Variants in CHODL observed in about 807,000 individuals in gnomAD.
CHODL encodes the protein transmembrane protein MT75.
Under a neutral mutation model 34.5 loss-of-function variants are expected in CHODL, and 29 were observed. That is an observed-to-expected ratio of 0.84 (90% CI 0.63 to 1.15). CHODL has a LOEUF of 1.15. Among genes scored for constraint, CHODL ranks in the 50% most tolerant of loss-of-function variants. The probability of loss-of-function intolerance (pLI) is 0.00; values close to 1 mark genes in which losing one functional copy is unlikely to be tolerated. For synonymous variants in CHODL, 125 were observed against 116.1 expected (o/e 1.08, Z -0.49); for missense variants, 332 against 332.5 (o/e 1.00, Z 0.01).
chr21:18,095,021 G>C (rs962524350), intron 2 of CHODL, among the ~76,000 whole-genome samples: 1 of 151,974 alleles, frequency 6.6e-6, no homozygotes, highest in Non-Finnish European at 1.5e-5. Flanking sequence ...CTACTCAGGA[G>C]GCTGAGGCAG....
At position 18,256,952 on chromosome 21, in the gene CHODL, A is replaced by T; in HGVS notation, c.390-18A>T. On this transcript the variant is annotated intron_variant, in intron 2 of 5. Coordinates refer to ENST00000299295, the MANE Select transcript of CHODL (RefSeq NM_024944.3). The stretch of plus-strand genomic sequence containing the variant: ...AGTAGGCATGTATCTGAGTGTTCCT[A>T]TTACTCTCTGTTTGCAGAAACTGGT... 6.2e-7 allele frequency: 1 copy of T among 1,608,530 alleles called. No individual in the cohort carries two copies. The highest frequency in any genetic ancestry group is 1.7e-4 in the Middle Eastern group (1 of 6,008).
intron 2 of CHODL, among the ~76,000 whole-genome samples, chr21:18,206,796 T>C (rs1009027158): frequency 6.6e-6 from 1 of 151,634 alleles, no homozygotes; most frequent in African/African-American, 2.4e-5. Context: ...TTTTAATTTT[T>C]TGTCTATACA....
chr21:18,182,362 TC>T (rs2073392103), intron 2 of CHODL, among the ~76,000 whole-genome samples: 1 of 152,212 alleles, frequency 6.6e-6, no homozygotes, highest in Admixed American at 6.5e-5. Context: ...AGGCCTGTGC[TC>T]TTTCTCCACT....
intron 2 of CHODL, among the ~76,000 whole-genome samples, chr21:18,117,648 C>T (rs746452211): frequency 2.6e-4 from 39 of 149,142 alleles, no homozygotes; most frequent in Non-Finnish European, 4.9e-4. Context: ...GGGAGAAATA[C>T]AATAAAAAAT....
At chr21:17,993,103 G>C (rs2146390532) in intron 1 of CHODL, among the ~76,000 whole-genome samples, 2 of 152,218 alleles carry the variant, frequency 1.3e-5, no homozygotes, top group South Asian at 4.1e-4. Flanking sequence ...GTGAAAGTGG[G>C]CATCCTTGTC....
At chr21:18,136,719 CATATATATATATATATATATAT>C (rs147280660) in intron 2 of CHODL, among the ~76,000 whole-genome samples, 4 of 118,752 alleles carry the variant, frequency 3.4e-5, no homozygotes, top group South Asian at 3.0e-4. Context: ...TAAATCAAAG[CATATATATATATATATATATAT>C]ATATATATAT....
Position 18,257,054 on chromosome 21 carries a change from G to A in CHODL, c.474G>A (p.Gly158=), listed in dbSNP as rs139951722. ...AACCAACTGCCAATCCTGGCCTTGG[G>A]GGTCCCTACCTTTACCAGTGGAATG... is the stretch of plus-strand genomic sequence containing the variant. ...YHQPTANPGL[G]GPYLYQWNDD... Residue 158 remains glycine (G), a synonymous_variant, in exon 3 of 6, where the codon GGG becomes GGA. Coordinates refer to ENST00000299295, the MANE Select transcript of CHODL (RefSeq NM_024944.3). The A allele has an allele frequency of 3.2e-4, 523 of 1,613,928 alleles. No homozygotes were observed. Among genetic ancestry groups the A allele is most frequent in the Non-Finnish European group, 2.0e-4 (241 of 1,179,900 alleles).
chr21:18,245,085 G>T lies in CHODL; in HGVS notation c.-139G>T. On this transcript the variant is annotated 5_prime_UTR_variant, in exon 1 of 6. Transcript: ENST00000299295. ...CCGGCCGAAGGCGATGCGCGCAGGG[G>T]GTCGGGCAGCTGGGCTCGGGCGGCG... 1 of 663,540 alleles carries T rather than the reference G, an allele frequency of 1.5e-6. No homozygotes were observed. The highest frequency in any genetic ancestry group is 3.5e-5 in the East Asian group (1 of 28,724). The allele number at this position is 663,540 out of a possible 1,614,324, so 41.1% of individuals were successfully genotyped here.
In CHODL at chr21:17,921,360, G is replaced by A. The variant is rs138728427; in HGVS notation, c.-145+3960G>A. 8.0e-3 allele frequency among the ~76,000 whole-genome samples: 1,220 copies of A among 152,310 alleles called. 19 individuals are homozygous for A. The highest frequency in any genetic ancestry group is 0.027 in the African/African-American group (1,124 of 41,560). On this transcript the variant is annotated intron_variant, in intron 1 of 6. Coordinates refer to the CHODL transcript ENST00000400127. ...CTGTTTTAAATGTTAATGCCATTCA[G>A]AAACATCATCTAAGTTAACACATAA... is the stretch of plus-strand genomic sequence containing the variant.
chr21:18,181,729 T>C (rs2073385220), intron 2 of CHODL, among the ~76,000 whole-genome samples: 1 of 152,190 alleles, frequency 6.6e-6, no homozygotes, highest in Admixed American at 6.5e-5. Flanking sequence ...AGGCAACCAC[T>C]AATCTTCATT....
chr21:18,075,031 G>A (rs898345846), intron 2 of CHODL, among the ~76,000 whole-genome samples: 2 of 152,130 alleles, frequency 1.3e-5, no homozygotes, highest in African/African-American at 4.8e-5. Flanking sequence ...AGAAAAGGGG[G>A]TAGTAAATTG....
intron 2 of CHODL, among the ~76,000 whole-genome samples, chr21:18,161,351 G>A (rs2073093187): frequency 6.6e-6 from 1 of 152,220 alleles, no homozygotes; most frequent in East Asian, 1.9e-4. Flanking sequence ...GGAAAGACAT[G>A]TTTTCATACA....
At chr21:17,998,798 C>T (rs1032485353) in intron 1 of CHODL, among the ~76,000 whole-genome samples, 1 of 152,202 alleles carries the variant, frequency 6.6e-6, no homozygotes, top group Non-Finnish European at 1.5e-5. Context: ...GGGCCCAGCC[C>T]ACAAAACCAC....
At chr21:17,952,194 CAAAAAAA>C (rs58511535) in intron 1 of CHODL, among the ~76,000 whole-genome samples, 2 of 80,366 alleles carry the variant, frequency 2.5e-5, no homozygotes, top group African/African-American at 1.0e-4. Context: ...TACTATGTCT[CAAAAAAA>C]AAAAAAAAAA....
chr21:18,245,879 A>G lies in CHODL; in HGVS notation c.79+577A>G, dbSNP rs1451135880. 25 of 1,533,912 alleles carry G rather than the reference A, an allele frequency of 1.6e-5. No homozygotes were observed. In the Admixed American group the frequency reaches 3.1e-4, roughly 19 times the overall value. Reference sequence around the variant, plus strand: ...GCGTGTAGATGCCTTTCCTTTGCACACTGCGTTCCAAGTTGGGGACTTCCC... The same window carrying G: ...GCGTGTAGATGCCTTTCCTTTGCACGCTGCGTTCCAAGTTGGGGACTTCCC... On this transcript the variant is annotated intron_variant, in intron 1 of 5. Transcript: ENST00000299295.
At chr21:18,201,800 CTTTTTTTTTTTT>C (rs547855975) in intron 2 of CHODL, among the ~76,000 whole-genome samples, 1 of 114,414 alleles carries the variant, frequency 8.7e-6, no homozygotes, top group Non-Finnish European at 1.8e-5. Context: ...TTTTTAAAAA[CTTTTTTTTTTTT>C]TTTTTTTTTT....
chr21:17,935,937 G>A (rs1225582401), intron 1 of CHODL, among the ~76,000 whole-genome samples: 1 of 152,212 alleles, frequency 6.6e-6, no homozygotes, highest in Non-Finnish European at 1.5e-5. Flanking sequence ...TAAGCAAGGT[G>A]TTAAGCTCTG....
chr21:18,249,673 G>A (rs2074211657), intron 1 of CHODL, among the ~76,000 whole-genome samples: 1 of 152,116 alleles, frequency 6.6e-6, no homozygotes, highest in Admixed American at 6.6e-5. Context: ...GACATATGGA[G>A]ACAGCATAGA....
chr21:18,186,406 A>C (rs1211349019), intron 2 of CHODL, among the ~76,000 whole-genome samples: 2 of 150,458 alleles, frequency 1.3e-5, no homozygotes, highest in East Asian at 1.9e-4. Flanking sequence ...TTAAAAAAAA[A>C]AATTAAAAAA....
Sources: allele counts gnomAD v4.1 joint callset (sites outside exome capture counted in the v4.1 genomes callset), GRCh38; gene constraint gnomAD v4.1.1; transcripts MANE v1.5; gene names NCBI Gene and HGNC (gene_info 2026-07-23, HGNC 2026-07-21).